Variants in CDH13 observed in about 807,000 individuals in gnomAD.
CDH13 encodes the protein cadherin-13.
Under a neutral mutation model 63.8 loss-of-function variants are expected in CDH13, and 24 were observed. That is an observed-to-expected ratio of 0.38 (90% CI 0.27 to 0.53). CDH13 has a LOEUF of 0.53. Ranked by LOEUF, CDH13 falls within the 20% of genes least tolerant of loss-of-function variation. The pLI is 0.85. For synonymous variants in CDH13, 503 were observed against 355.3 expected, an observed-to-expected ratio of 1.42 and a Z score of -4.67; for missense variants, 1,049 against 903.1, an observed-to-expected ratio of 1.16 and a Z score of -2.07.
At chr16:83,536,121 A>G (rs1046209085) in intron 7 of CDH13, among the ~76,000 whole-genome samples, 6 of 152,174 alleles carry the variant, frequency 3.9e-5, no homozygotes, top group African/African-American at 1.4e-4. Flanking sequence ...ATTATGAGGC[A>G]TTGAGAAATC....
At chr16:82,895,530 A>G (rs2041225222) in intron 2 of CDH13, among the ~76,000 whole-genome samples, 1 of 152,178 alleles carries the variant, frequency 6.6e-6, no homozygotes. Context: ...CACAATTACC[A>G]ACCAAAGATG....
intron 7 of CDH13, among the ~76,000 whole-genome samples, chr16:83,584,012 A>C (rs1041737328): frequency 6.6e-6 from 1 of 151,996 alleles, no homozygotes; most frequent in Non-Finnish European, 1.5e-5. Context: ...ACTATGCCAT[A>C]AGTGAGCAAA....
chr16:83,211,523 A>C (rs938787730), intron 4 of CDH13, among the ~76,000 whole-genome samples: 1 of 152,218 alleles, frequency 6.6e-6, no homozygotes, highest in Non-Finnish European at 1.5e-5. Context: ...ATACATTAAA[A>C]ACACACACCA....
intron 8 of CDH13, 145 bp downstream of exon 8, chr16:83,602,739 G>C (rs1258086861): frequency 1.2e-6 from 1 of 861,784 alleles, no homozygotes; most frequent in Non-Finnish European, 1.9e-6. Flanking sequence ...TGTTTTGCTG[G>C]AATTCTTTCT....
chr16:82,908,097 A>G (rs749622339), intron 2 of CDH13, among the ~76,000 whole-genome samples: 2 of 152,052 alleles, frequency 1.3e-5, no homozygotes, highest in Middle Eastern at 3.2e-3. Flanking sequence ...GGACCACACT[A>G]TCCTTAACCT....
At chr16:83,181,627 G>T (rs1468189011) in intron 4 of CDH13, among the ~76,000 whole-genome samples, 1 of 152,192 alleles carries the variant, frequency 6.6e-6, no homozygotes, top group African/African-American at 2.4e-5. Flanking sequence ...AGGTTGAGTT[G>T]AGCCGCATGC....
intron 7 of CDH13, among the ~76,000 whole-genome samples, chr16:83,518,299 A>G (rs149370903): frequency 0.02 from 3,105 of 151,530 alleles, 106 homozygotes; most frequent in African/African-American, 0.071. Context: ...ACATGCCACC[A>G]CACGTGGCTA....
intron 6 of CDH13, among the ~76,000 whole-genome samples, chr16:83,454,737 CT>C (rs1339932321): frequency 6.6e-6 from 1 of 150,978 alleles, no homozygotes; most frequent in Non-Finnish European, 1.5e-5. Flanking sequence ...GATATAGAGT[CT>C]TGCTATTACA....
At chr16:83,069,360 G>A (rs2032264134) in intron 3 of CDH13, among the ~76,000 whole-genome samples, 2 of 152,058 alleles carry the variant, frequency 1.3e-5, no homozygotes, top group South Asian at 2.1e-4. Flanking sequence ...TTGTAAATAT[G>A]ATCACATAAT....
At chr16:83,296,427 A>T (rs1387100533) in intron 5 of CDH13, among the ~76,000 whole-genome samples, 1 of 152,196 alleles carries the variant, frequency 6.6e-6, no homozygotes, top group Admixed American at 6.5e-5. Context: ...GTAGGGAAGA[A>T]TAAGGCTGAT....
intron 6 of CDH13, among the ~76,000 whole-genome samples, chr16:83,345,400 C>A (rs937739255): frequency 7.9e-5 from 12 of 152,212 alleles, no homozygotes; most frequent in African/African-American, 1.4e-4. Flanking sequence ...TTCACAGTGG[C>A]CTTTTAATAA....
intron 6 of CDH13, among the ~76,000 whole-genome samples, chr16:83,367,432 T>A (rs896913465): frequency 6.6e-6 from 1 of 152,250 alleles, no homozygotes; most frequent in Non-Finnish European, 1.5e-5. Context: ...TTTTGGCTAC[T>A]ATGAATAATG....
intron 1 of CDH13, among the ~76,000 whole-genome samples, chr16:82,853,488 C>T (rs993093449): frequency 5.3e-5 from 8 of 152,164 alleles, no homozygotes; most frequent in African/African-American, 1.7e-4. Context: ...AATTAACTCA[C>T]TTAATCCTCA....
intron 11 of CDH13, among the ~76,000 whole-genome samples, chr16:83,761,729 G>C (rs1597192497): frequency 6.6e-6 from 1 of 152,140 alleles, no homozygotes; most frequent in Admixed American, 6.5e-5. Context: ...TATTTAAGAA[G>C]GCAGCTTTAG....
intron 4 of CDH13, among the ~76,000 whole-genome samples, chr16:83,180,226 A>G (rs906266828): frequency 1.3e-5 from 2 of 152,158 alleles, no homozygotes. Flanking sequence ...CAATCAACAT[A>G]TTTTAAGAGA....
intron 1 of CDH13, among the ~76,000 whole-genome samples, chr16:82,846,794 T>C (rs758335967): frequency 7.9e-5 from 12 of 152,158 alleles, no homozygotes; most frequent in Non-Finnish European, 1.5e-4. Context: ...AAATTTTCAC[T>C]AAGAAAATCA....
intron 2 of CDH13, among the ~76,000 whole-genome samples, chr16:82,910,691 A>G (rs2041803370): frequency 6.6e-6 from 1 of 152,124 alleles, no homozygotes; most frequent in African/African-American, 2.4e-5. Flanking sequence ...AGTGGTACTT[A>G]TTGGTGGCCA....
intron 2 of CDH13, among the ~76,000 whole-genome samples, chr16:82,966,526 A>G (rs117224015): frequency 0.027 from 4,169 of 152,340 alleles, 78 homozygotes; most frequent in Middle Eastern, 0.054. Flanking sequence ...CTGCCAGTCA[A>G]TCTGGGCTCA....
At chr16:82,763,238 A>T (rs981935871) in intron 1 of CDH13, among the ~76,000 whole-genome samples, 2 of 152,188 alleles carry the variant, frequency 1.3e-5, no homozygotes, top group African/African-American at 4.8e-5. Flanking sequence ...AGGTTACCCT[A>T]CATAAATCAA....
Sources: allele counts gnomAD v4.1 joint callset (sites outside exome capture counted in the v4.1 genomes callset), GRCh38; gene constraint gnomAD v4.1.1; transcripts MANE v1.5; gene names NCBI Gene and HGNC (gene_info 2026-07-23, HGNC 2026-07-21).